KLHL32: variants seen among roughly 807,000 people sequenced by gnomAD.
KLHL32 encodes the protein kelch like family member 32.
In KLHL32, 35 loss-of-function variants were observed where a neutral mutation model predicts 64.8. The observed-to-expected ratio is 0.54, with a 90% CI of 0.41 to 0.72. The LOEUF is 0.72. Ranked by LOEUF, KLHL32 falls within the 30% of genes least tolerant of loss-of-function variation. The pLI, the probability that KLHL32 is intolerant of heterozygous loss-of-function variation, is 0.00. For synonymous variants in KLHL32, 259 were observed against 281.0 expected (o/e 0.92, Z 0.78); for missense variants, 589 against 768.5 (o/e 0.77, Z 2.76).
intron 2 of KLHL32, among the ~76,000 whole-genome samples, chr6:96,973,578 A>G: frequency 6.6e-6 from 1 of 152,170 alleles, no homozygotes; most frequent in East Asian, 1.9e-4. Context: ...GAAAAATTTC[A>G]AACATTTCTT....
At chr6:97,007,179 T>A (rs933109377) in intron 3 of KLHL32, among the ~76,000 whole-genome samples, 1 of 152,204 alleles carries the variant, frequency 6.6e-6, no homozygotes, top group East Asian at 1.9e-4. Flanking sequence ...CTTGGAGGTT[T>A]TGCTCATTCT....
In KLHL32 at chr6:97,064,804, A is replaced by T. The variant is rs150369337; in HGVS notation, c.411+78A>T. The T allele has an allele frequency of 7.1e-4, 849 of 1,189,290 alleles. 14 individuals are homozygous for T. The East Asian group carries it at 0.02, about 28-fold the overall frequency. 73.7% of individuals were successfully genotyped at this position (1,189,290 alleles called of 1,614,324 possible). A position where few individuals can be genotyped will look rare whatever the true frequency, so the allele number is the denominator to read the frequency against. ...TCATAAGCTGGCCCCCAACAACTGG[A>T]GCTGAATGACAGGTAAAGTGGGGGT... On this transcript the variant is annotated intron_variant, in intron 5 of 10. Coordinates refer to ENST00000369261, the MANE Select transcript of KLHL32 (RefSeq NM_052904.4).
intron 3 of KLHL32, among the ~76,000 whole-genome samples, chr6:96,979,897 T>C (rs1776112657): frequency 6.6e-6 from 1 of 152,206 alleles, no homozygotes; most frequent in African/African-American, 2.4e-5. Context: ...GCTGTCTTCC[T>C]AGGTATTTTA....
At chr6:97,024,461 A>G (rs367848654) in intron 3 of KLHL32, among the ~76,000 whole-genome samples, 2 of 151,650 alleles carry the variant, frequency 1.3e-5, no homozygotes, top group African/African-American at 4.8e-5. Flanking sequence ...AGCACATTTC[A>G]TTAAAAATGG....
At chr6:96,928,927 G>T (rs1174517124) in intron 1 of KLHL32, among the ~76,000 whole-genome samples, 3 of 152,184 alleles carry the variant, frequency 2.0e-5, no homozygotes, top group African/African-American at 7.2e-5. Flanking sequence ...AAAAATGTGG[G>T]CTGTAAACCA....
At chr6:96,905,181 G>A in the KLHL32 span, among the ~76,000 whole-genome samples, 4 of 151,350 alleles carry the variant, frequency 2.6e-5, no homozygotes, top group Non-Finnish European at 4.4e-5. Context: ...TTGGCACAGG[G>A]AAAAAAAAGT....
At chr6:97,093,788 A>C (rs1036712218) in intron 6 of KLHL32, among the ~76,000 whole-genome samples, 1 of 152,198 alleles carries the variant, frequency 6.6e-6, no homozygotes, top group African/African-American at 2.4e-5. Context: ...ATTCCTTCAA[A>C]GTACACGATG....
intron 2 of KLHL32, among the ~76,000 whole-genome samples, chr6:96,969,329 TG>T (rs1774858740): frequency 6.6e-6 from 1 of 152,220 alleles, no homozygotes; most frequent in Non-Finnish European, 1.5e-5. Context: ...AAAATATGGT[TG>T]TACTTTGACC....
At chr6:96,964,183 T>C (rs1268401917) in intron 1 of KLHL32, among the ~76,000 whole-genome samples, 1 of 152,114 alleles carries the variant, frequency 6.6e-6, no homozygotes, top group Admixed American at 6.6e-5. Flanking sequence ...GGAGGGGAAC[T>C]GCAGGAGACT....
At chr6:96,985,072 G>A (rs1442863881) in intron 3 of KLHL32, among the ~76,000 whole-genome samples, 1 of 152,116 alleles carries the variant, frequency 6.6e-6, no homozygotes, top group Non-Finnish European at 1.5e-5. Context: ...GCCTGGTGGT[G>A]ACAAAATCTC....
intron 5 of KLHL32, among the ~76,000 whole-genome samples, chr6:97,080,157 T>C (rs530055422): frequency 6.6e-6 from 1 of 152,320 alleles, no homozygotes; most frequent in South Asian, 2.1e-4. Flanking sequence ...ACTTGTTCAG[T>C]AACACTTTCA....
intron 6 of KLHL32, among the ~76,000 whole-genome samples, chr6:97,098,245 G>A (rs977523705): frequency 2.0e-5 from 3 of 152,050 alleles, no homozygotes; most frequent in Non-Finnish European, 4.4e-5. Flanking sequence ...AAGAAAAATA[G>A]AGGAAAAGAA....
At chr6:96,986,516 C>G (rs536730007) in intron 3 of KLHL32, among the ~76,000 whole-genome samples, 47 of 152,318 alleles carry the variant, frequency 3.1e-4, no homozygotes, top group Non-Finnish European at 6.0e-4. Flanking sequence ...GTGGTGGGCT[C>G]CACCCAATTC....
At chr6:96,998,571 G>T (rs1452970190) in intron 3 of KLHL32, among the ~76,000 whole-genome samples, 1 of 152,126 alleles carries the variant, frequency 6.6e-6, no homozygotes, top group African/African-American at 2.4e-5. Context: ...CCCTGCAGTT[G>T]TCTAATTGGT....
intron 4 of KLHL32, among the ~76,000 whole-genome samples, chr6:97,042,620 ACCTAT>A (rs1454367785): frequency 2.6e-5 from 4 of 152,050 alleles, no homozygotes; most frequent in Admixed American, 1.3e-4. Context: ...TCACCTACCT[ACCTAT>A]TTTTTTTGTG....
chr6:97,060,734 A>G (rs1788745213), intron 4 of KLHL32, among the ~76,000 whole-genome samples: 2 of 152,152 alleles, frequency 1.3e-5, no homozygotes, highest in African/African-American at 4.8e-5. Flanking sequence ...GCCTCCTACC[A>G]GGAGGGTGAT....
At chr6:96,971,420 A>G (rs796592166) in intron 2 of KLHL32, among the ~76,000 whole-genome samples, 4 of 152,342 alleles carry the variant, frequency 2.6e-5, no homozygotes, top group African/African-American at 7.2e-5. Context: ...GGAATATGAT[A>G]TAATGAACAT....
At chr6:96,920,077 T>G (rs751950595), upstream of KLHL32, among the ~76,000 whole-genome samples, 1 of 152,152 alleles carries the variant, frequency 6.6e-6, no homozygotes, top group Non-Finnish European at 1.5e-5. Flanking sequence ...AAAAACCCGA[T>G]GAGGAAGAGT....
intron 6 of KLHL32, among the ~76,000 whole-genome samples, chr6:97,090,160 A>G (rs1260288755): frequency 6.6e-6 from 1 of 152,198 alleles, no homozygotes; most frequent in African/African-American, 2.4e-5. Flanking sequence ...ATAATAAATA[A>G]AAACAACAAT....
Sources: allele counts gnomAD v4.1 joint callset (sites outside exome capture counted in the v4.1 genomes callset), GRCh38; gene constraint gnomAD v4.1.1; transcripts MANE v1.5; gene names NCBI Gene and HGNC (gene_info 2026-07-23, HGNC 2026-07-21).